The following PKP4 variants were observed in gnomAD, a reference collection of about 807,000 sequenced individuals.
PKP4 encodes plakophilin-4.
A neutral mutation model predicts 145.1 loss-of-function variants in PKP4; 90 were observed. That is an observed-to-expected ratio of 0.62 (90% CI 0.52 to 0.74). PKP4 has a LOEUF of 0.74. Ranked by LOEUF, PKP4 falls within the 30% of genes least tolerant of loss-of-function variation. PKP4 has a pLI of 0.00. For synonymous variants in PKP4, 563 were observed against 577.2 expected, an observed-to-expected ratio of 0.98 and a Z score of 0.35; for missense variants, 1,340 against 1,482.7, an observed-to-expected ratio of 0.90 and a Z score of 1.58.
chr2:158,459,910 C>G (rs543599955), intron 1 of PKP4, among the ~76,000 whole-genome samples: 44 of 152,124 alleles, frequency 2.9e-4, no homozygotes, highest in South Asian at 1.2e-3. Flanking sequence ...TACAGATATT[C>G]AAAGAGTGGA....
intron 4 of PKP4, among the ~76,000 whole-genome samples, chr2:158,620,665 C>T (rs1185343658): frequency 6.6e-6 from 1 of 152,188 alleles, no homozygotes; most frequent in Non-Finnish European, 1.5e-5. Flanking sequence ...GGTCTCCATT[C>T]TCAGTCTTTT....
At chr2:158,484,294 A>G (rs1014045260) in intron 1 of PKP4, among the ~76,000 whole-genome samples, 2 of 151,236 alleles carry the variant, frequency 1.3e-5, no homozygotes, top group African/African-American at 4.9e-5. Flanking sequence ...TGATCCACCC[A>G]CCTCGGCCTC....
rs1260490068 is a variant in PKP4, at chr2:158,657,259, T to C, written c.1910-872T>C. Among the ~76,000 whole-genome samples the C allele has an allele frequency of 2.6e-5, 4 of 152,286 alleles. No individual in the cohort carries two copies. In the East Asian group the frequency reaches 5.8e-4, roughly 22 times the overall value. Reference sequence around the variant, plus strand: ...AGGTATCATCTCAAATTTGCTCCAATGTCTATGAGAGCAATTATTGGAAAA... The same window carrying C: ...AGGTATCATCTCAAATTTGCTCCAACGTCTATGAGAGCAATTATTGGAAAA... On this transcript the variant is annotated intron_variant, in intron 11 of 21. Transcript: ENST00000389759.
chr2:158,587,429 C>T (rs1172239093), intron 3 of PKP4, among the ~76,000 whole-genome samples: 4 of 151,812 alleles, frequency 2.6e-5, no homozygotes, highest in Non-Finnish European at 4.4e-5. Context: ...TTAGCCCTTA[C>T]CCTTCATCAT....
intron 9 of PKP4, among the ~76,000 whole-genome samples, chr2:158,639,531 C>CT (rs540645157): frequency 1.8e-4 from 27 of 151,958 alleles, no homozygotes; most frequent in Non-Finnish European, 3.8e-4. Flanking sequence ...AGTATGAATT[C>CT]TTTTTTTTAA....
intron 3 of PKP4, among the ~76,000 whole-genome samples, chr2:158,598,952 T>C (rs982331871): frequency 6.6e-6 from 1 of 151,902 alleles, no homozygotes; most frequent in African/African-American, 2.4e-5. Context: ...AAAATAGCAG[T>C]GGAAGTGTGA....
At chr2:158,493,090 A>C (rs2105470161) in intron 1 of PKP4, among the ~76,000 whole-genome samples, 1 of 152,148 alleles carries the variant, frequency 6.6e-6, no homozygotes, top group Non-Finnish European at 1.5e-5. Flanking sequence ...ATATACTTTC[A>C]GTTACTTTGT....
Position 158,549,839 on chromosome 2 carries a change from T to C in PKP4, c.132+16523T>C, listed in dbSNP as rs1014634476. Among the ~76,000 whole-genome samples, 4 of 152,340 alleles carry C rather than the reference T, an allele frequency of 2.6e-5. No individual in the cohort carries two copies. The East Asian group carries it at 7.7e-4, about 29-fold the overall frequency. On this transcript the variant is annotated intron_variant, in intron 2 of 21. Transcript: ENST00000389759. ...GTAGTTTATTTTCATAAAACATGTT[T>C]TTTTCCATTATTGCTTAAATTCTGT... is the stretch of plus-strand genomic sequence containing the variant.
At chr2:158,494,682 T>C (rs534119492) in intron 1 of PKP4, among the ~76,000 whole-genome samples, 1 of 152,226 alleles carries the variant, frequency 6.6e-6, no homozygotes, top group East Asian at 1.9e-4. Context: ...ATGGTTCTTT[T>C]AATTTGTAAG....
chr2:158,462,253 A>G (rs1689882774), intron 1 of PKP4, among the ~76,000 whole-genome samples: 1 of 152,178 alleles, frequency 6.6e-6, no homozygotes, highest in African/African-American at 2.4e-5. Flanking sequence ...TACCTTGACA[A>G]ACCATTTAAT....
chr2:158,608,073 G>A (rs561808864), intron 4 of PKP4, among the ~76,000 whole-genome samples: 16 of 152,218 alleles, frequency 1.1e-4, no homozygotes, highest in South Asian at 2.1e-4. Context: ...GATTTATAAC[G>A]CAAAGGATAA....
intron 1 of PKP4, among the ~76,000 whole-genome samples, chr2:158,467,489 C>T (rs1213740760): frequency 6.7e-6 from 1 of 148,348 alleles, no homozygotes; most frequent in Non-Finnish European, 1.5e-5. Context: ...GAGGGCAAGA[C>T]TGCAGTGAGC....
intron 1 of PKP4, among the ~76,000 whole-genome samples, chr2:158,492,573 G>A (rs1574084253): frequency 6.6e-6 from 1 of 151,992 alleles, no homozygotes; most frequent in Non-Finnish European, 1.5e-5. Flanking sequence ...CCCTGCCCGG[G>A]CTTTGCTCCT....
intron 2 of PKP4, among the ~76,000 whole-genome samples, chr2:158,568,901 A>T (rs77359069): frequency 4.7e-4 from 72 of 152,194 alleles, no homozygotes; most frequent in Middle Eastern, 3.4e-3. Flanking sequence ...TGAACCCCGG[A>T]GGCAGAGGTT....
At position 158,603,120 on chromosome 2, in the gene PKP4, T is replaced by C. The variant is rs1178823450; in HGVS notation, c.280+16T>C. ...AGATCAACAGGTATGTTTTTTATTA[T>C]ATAAAAGTTATGTTTGATAAACACA... On this transcript the variant is annotated intron_variant, in intron 4 of 21. Coordinates refer to ENST00000389759, the MANE Select transcript of PKP4 (RefSeq NM_003628.6). The C allele has an allele frequency of 1.4e-6, 2 of 1,387,224 alleles. No homozygotes were observed. The highest frequency in any genetic ancestry group is 2.9e-5 in the African/African-American group (2 of 68,418). 85.9% of individuals were successfully genotyped at this position (1,387,224 alleles called of 1,614,324 possible).
At chr2:158,673,844 A>C (rs201584695) in intron 18 of PKP4, 39 bp from the exon 19 acceptor site, 5 of 1,477,336 alleles carry the variant, frequency 3.4e-6, no homozygotes, top group Non-Finnish European at 4.7e-6. Context: ...AAATGTCATT[A>C]TTCATTTTGA....
At chr2:158,508,474 G>A (rs550414565) in intron 1 of PKP4, among the ~76,000 whole-genome samples, 5 of 152,008 alleles carry the variant, frequency 3.3e-5, no homozygotes, top group Non-Finnish European at 5.9e-5. Flanking sequence ...TCTAGCATGA[G>A]TTTTGTAATA....
intron 3 of PKP4, among the ~76,000 whole-genome samples, chr2:158,588,024 T>C (rs2048950273): frequency 6.6e-6 from 1 of 152,120 alleles, no homozygotes; most frequent in African/African-American, 2.4e-5. Context: ...TGTGTAAATC[T>C]AGTTCATTCT....
rs2054203968 is a variant in PKP4 at position 158,640,685 on chromosome 2, T to C, written c.1621T>C (p.Phe541Leu). The C allele has an allele frequency of 1.2e-6, 2 of 1,613,946 alleles. No homozygotes were observed. Among genetic ancestry groups the C allele is most frequent in the African/African-American group, 2.7e-5 (2 of 74,922 alleles). Reference protein sequence around the residue: ...PEVIHMLQHQFPSVQANAAAY... With the variant: ...PEVIHMLQHQLPSVQANAAAY... ...GGTCATTCACATGCTTCAGCACCAG[T>C]TCCCATCTGTTCAGGCAAATGCAGC... is the stretch of plus-strand genomic sequence containing the variant. Residue 541 changes from phenylalanine to leucine, a missense_variant, in exon 10 of 22, where the codon TTC becomes CTC. Coordinates refer to ENST00000389759, the MANE Select transcript of PKP4 (RefSeq NM_003628.6).
Sources: gnomAD v4.1 joint callset for allele counts (sites outside exome capture counted in the v4.1 genomes callset) on GRCh38, gnomAD v4.1.1 for gene constraint, MANE v1.5 for transcripts, NCBI Gene and HGNC (gene_info 2026-07-23, HGNC 2026-07-21) for gene names.